The following NTMT1 variants were observed in gnomAD, a reference collection of about 807,000 sequenced individuals.
The protein encoded by NTMT1 is N-terminal RCC1 methyltransferase.
A neutral mutation model predicts 17.5 loss-of-function variants in NTMT1; 8 were observed. The observed-to-expected ratio is 0.46, with a 90% CI of 0.27 to 0.82. NTMT1 has a LOEUF of 0.82. NTMT1 is among the 40% of genes least tolerant of loss of function. The probability of loss-of-function intolerance (pLI) is 0.15; values close to 1 mark genes in which losing one functional copy is unlikely to be tolerated. For synonymous variants in NTMT1, 128 were observed against 126.8 expected (o/e 1.01, Z -0.06); for missense variants, 221 against 303.5 (o/e 0.73, Z 2.02).
chr9:129,633,287 C>G, intron 2 of NTMT1: 1 of 333,966 alleles, frequency 3.0e-6, no homozygotes, highest in Non-Finnish European at 5.4e-6. Context: ...CTGGGACCCC[C>G]AGTCCTGGAG....
At position 129,613,112 on chromosome 9, in the gene NTMT1, C is replaced by T. The variant is rs774751558; in HGVS notation, c.-55+3934C>T. The T allele has an allele frequency of 6.2e-7, 1 of 1,613,886 alleles. No homozygotes were observed. The highest frequency in any genetic ancestry group is 1.1e-5 in the South Asian group (1 of 91,038). On this transcript the variant is annotated intron_variant, in intron 1 of 3. Transcript: ENST00000372486. This position sits in a 1 kb window ranked among gnomAD's most constrained non-coding sequence, Gnocchi z 6.2. The stretch of plus-strand genomic sequence containing the variant: ...GAGCAAGACCATTTGCCCACCTGCT[C>T]CAGGTTTCTGTGCGGGTCCAAGAAG...
At chr9:129,634,542 T>C (rs1588144782) in intron 3 of NTMT1, 1 of 456,902 alleles carries the variant, frequency 2.2e-6, no homozygotes, top group East Asian at 3.5e-5. Context: ...CTACCATCCA[T>C]TTGGGTGCAG....
chr9:129,626,176 A>G lies in NTMT1; in HGVS notation c.-174A>G, dbSNP rs1218907556. 1 of 152,082 alleles carries G rather than the reference A, an allele frequency of 6.6e-6. No homozygotes were observed. Among genetic ancestry groups the G allele is most frequent in the African/African-American group, 2.4e-5 (1 of 41,388 alleles). 9.4% of individuals were successfully genotyped at this position (152,082 alleles called of 1,614,324 possible). ...GCGGACAAAGGCAGCGCGCGCCGCG[A>G]GCTGTCGCGTCTGGTCGTGGTCTGG... On this transcript the variant is annotated 5_prime_UTR_variant, in exon 1 of 4. Transcript: ENST00000372483.
chr9:129,620,487 G>A lies in NTMT1; in HGVS notation c.-55+11309G>A, dbSNP rs1830641838. On this transcript the variant is annotated intron_variant, in intron 1 of 3. Transcript: ENST00000372486. The surrounding 1 kb of genome is among the most constrained non-coding windows in gnomAD (Gnocchi z 5.8). ...GGCGGGGTCAGCTTGGGCAGCCGCG[G>A]GTCGCTGCTGCGTCGGAAGTCTCCG... 7.2e-7 allele frequency: 1 copy of A among 1,396,438 alleles called. No individual in the cohort carries two copies. The highest frequency in any genetic ancestry group is 9.3e-7 in the Non-Finnish European group (1 of 1,070,926). 86.5% of individuals were successfully genotyped at this position (1,396,438 alleles called of 1,614,324 possible).
chr9:129,612,296 G>A (rs749944986), intron 1 of NTMT1: 11 of 1,476,364 alleles, frequency 7.5e-6, no homozygotes, highest in South Asian at 3.5e-5. Context: ...AAGGAAGGAC[G>A]CTCCTCATTG....
At chr9:129,627,239 G>C (rs1379820293) in intron 1 of NTMT1, among the ~76,000 whole-genome samples, 1 of 152,162 alleles carries the variant, frequency 6.6e-6, no homozygotes, top group Non-Finnish European at 1.5e-5. Context: ...AAAAAATCTC[G>C]GTGGGGGTTC....
upstream of NTMT1, among the ~76,000 whole-genome samples, chr9:129,623,482 T>C (rs1239901074): frequency 6.6e-6 from 1 of 152,182 alleles, no homozygotes; most frequent in East Asian, 1.9e-4. Flanking sequence ...GAGTCTTGGC[T>C]GGGAGAGGGC....
chr9:129,635,636 C>T lies in NTMT1; in HGVS notation c.*172C>T, dbSNP rs924197677. The stretch of plus-strand genomic sequence containing the variant: ...CTTCTTCAAAAGGCAAGGTGGGACC[C>T]GGCGGGGAGGGTGCTGCTGAACCAG... On this transcript the variant is annotated 3_prime_UTR_variant, in exon 4 of 4. Coordinates refer to ENST00000372483, the MANE Select transcript of NTMT1 (RefSeq NM_014064.4). The T allele has an allele frequency of 6.1e-6, 5 of 815,932 alleles. No homozygotes were observed. The highest frequency in any genetic ancestry group is 2.5e-5 in the East Asian group (1 of 39,832). The allele number at this position is 815,932 out of a possible 1,614,324, so 50.5% of individuals were successfully genotyped here. A position where few individuals can be genotyped will look rare whatever the true frequency, so the allele number is the denominator to read the frequency against.
chr9:129,611,579 G>A (rs1830116338), intron 1 of NTMT1, among the ~76,000 whole-genome samples: 1 of 151,168 alleles, frequency 6.6e-6, no homozygotes, highest in Admixed American at 6.5e-5. Flanking sequence ...GAGTCTGGAC[G>A]CCCTCACTCC....
rs1021376775 is a variant in NTMT1 at position 129,613,755 on chromosome 9, T to A, written c.-55+4577T>A. 5.3e-5 allele frequency among the ~76,000 whole-genome samples: 8 copies of A among 152,152 alleles called. No homozygotes were observed. The highest frequency in any genetic ancestry group is 1.9e-4 in the African/African-American group (8 of 41,450). On this transcript the variant is annotated intron_variant, in intron 1 of 3. Coordinates refer to the NTMT1 transcript ENST00000372486. The surrounding 1 kb of genome is among the most constrained non-coding windows in gnomAD (Gnocchi z 6.2). ...CTTCTGGCTGCCTCCAGAGAAGCCT[T>A]GGGTTTTAAAACCACCTTGCGTGAC... is the stretch of plus-strand genomic sequence containing the variant.
Position 129,620,264 on chromosome 9 carries a change from G to A in NTMT1, c.-55+11086G>A. ...CCGGGACGCGCCGGCCGACAGCAGG[G>A]GAGGCGGCAGCAGGGACCGCAGCAG... is the stretch of plus-strand genomic sequence containing the variant. On this transcript the variant is annotated intron_variant, in intron 1 of 3. Coordinates refer to the NTMT1 transcript ENST00000372486. This position sits in a 1 kb window ranked among gnomAD's most constrained non-coding sequence, Gnocchi z 5.8. 7.5e-7 allele frequency: 1 copy of A among 1,330,090 alleles called. No individual in the cohort carries two copies. The highest frequency in any genetic ancestry group is 9.7e-7 in the Non-Finnish European group (1 of 1,035,428). 82.4% of individuals were successfully genotyped at this position (1,330,090 alleles called of 1,614,324 possible).
upstream of NTMT1, among the ~76,000 whole-genome samples, chr9:129,622,909 G>T (rs1191329277): frequency 6.6e-6 from 1 of 151,688 alleles, no homozygotes; most frequent in African/African-American, 2.4e-5. Context: ...TGTGCCTGTA[G>T]TCCCAGCTAC....
chr9:129,634,972 C>G (rs552653234), intron 3 of NTMT1: 6 of 548,592 alleles, frequency 1.1e-5, no homozygotes, highest in Admixed American at 6.5e-5. Context: ...TAAGCCATCC[C>G]GTCAAGTCAA....
intron 1 of NTMT1, among the ~76,000 whole-genome samples, chr9:129,611,364 G>C (rs965143903): frequency 2.0e-5 from 3 of 152,240 alleles, no homozygotes; most frequent in African/African-American, 7.2e-5. Flanking sequence ...TGTGGCAGGG[G>C]CAAACCTGGT....
At chr9:129,615,657 G>A in intron 1 of NTMT1, 2 of 1,536,718 alleles carry the variant, frequency 1.3e-6, no homozygotes, top group Non-Finnish European at 1.7e-6. Flanking sequence ...GCTGAGAGAG[G>A]GGAGAGGGGC....
intron 1 of NTMT1, chr9:129,612,274 T>C: frequency 7.5e-7 from 1 of 1,325,480 alleles, no homozygotes; most frequent in Admixed American, 1.9e-5. Context: ...GATGTGCCTT[T>C]ATTTGTGGGG....
rs115903740 is a variant in NTMT1, at chr9:129,612,848, G to A, written c.-55+3670G>A. Among the ~76,000 whole-genome samples the A allele has an allele frequency of 7.7e-3, 1,168 of 152,196 alleles. 17 individuals carry two copies. Among genetic ancestry groups the A allele is most frequent in the African/African-American group, 0.027 (1,120 of 41,542 alleles). ...CTGTCTCAAAAAAGCAAAGAGAGGA[G>A]AGGGGAGGGGAGGGGAGATGCAGAA... is the stretch of plus-strand genomic sequence containing the variant. On this transcript the variant is annotated intron_variant, in intron 1 of 3. Coordinates refer to the NTMT1 transcript ENST00000372486.
upstream of NTMT1, among the ~76,000 whole-genome samples, chr9:129,622,880 T>G (rs577072187): frequency 6.6e-6 from 1 of 152,030 alleles, no homozygotes; most frequent in East Asian, 1.9e-4. Context: ...TACAAAAAAA[T>G]TAGCCGGGCG....
At chr9:129,630,786 A>T (rs574618614) in intron 1 of NTMT1, among the ~76,000 whole-genome samples, 2 of 152,352 alleles carry the variant, frequency 1.3e-5, no homozygotes, top group East Asian at 3.9e-4. Flanking sequence ...GCTCCCAGTC[A>T]GCTGCGCGTT....
Sources: allele counts gnomAD v4.1 joint callset (sites outside exome capture counted in the v4.1 genomes callset), GRCh38; gene constraint gnomAD v4.1.1; non-coding constraint Gnocchi (gnomAD v3.1); transcripts MANE v1.5; gene names NCBI Gene and HGNC (gene_info 2026-07-23, HGNC 2026-07-21).